The following ATAD2 variants were observed in gnomAD, a reference collection of about 807,000 sequenced individuals.
ATAD2 encodes the protein ATPase family AAA domain containing 2, also known as ATPase family AAA domain-containing protein 2.
A neutral mutation model predicts 168.9 loss-of-function variants in ATAD2; 62 were observed. The ratio of observed to expected loss-of-function variants is 0.37; its 90% CI spans 0.30 to 0.45. The LOEUF (loss-of-function observed/expected upper bound fraction) is 0.45. ATAD2 is among the 20% of genes least tolerant of loss of function. The pLI is 1.00. For synonymous variants in ATAD2, 613 were observed against 571.6 expected (o/e 1.07, Z -1.03); for missense variants, 1,419 against 1,667.8 (o/e 0.85, Z 2.60).
intron 23 of ATAD2, 71 bp from the exon 24 acceptor site, chr8:123,334,092 G>T: frequency 2.6e-6 from 4 of 1,568,178 alleles, no homozygotes; most frequent in Non-Finnish European, 3.5e-6. Context: ...TTAACTAAAA[G>T]TACAAAATAC....
In ATAD2 at chr8:123,325,905, A is replaced by T; in HGVS notation, c.3990T>A (p.His1330Gln). The part of the protein sequence containing the change: ...SQPTPSLVVD[H>Q]ERLKNLLKTV... ...TCAATTTACATACTTTTAATCGCTC[A>T]TGATCCACAACAAGTGAGGGTGTAG... The change falls in exon 26 of 28, where the codon CAT becomes CAA. Residue 1330 changes from histidine to glutamine, a missense_variant. Physicochemically the swap from His to Gln is conservative, Grantham distance 24 (BLOSUM62 0). Transcript: ENST00000287394. 5 of 1,614,126 alleles carry T rather than the reference A, an allele frequency of 3.1e-6. No individual in the cohort carries two copies. Among genetic ancestry groups the T allele is most frequent in the Non-Finnish European group, 4.2e-6 (5 of 1,179,994 alleles).
Position 123,334,248 on chromosome 8 carries a change from C to T in ATAD2, c.3286G>A (p.Asp1096Asn). Reference sequence around the variant, plus strand: ...ATTTCTTCACAGAGCTGCTCAAAGTCTTCATCAAGTTCTTCTTTAATTATG... The same window carrying T: ...ATTTCTTCACAGAGCTGCTCAAAGTTTTCATCAAGTTCTTCTTTAATTATG... Reference protein sequence around the residue: ...YAIIKEELDEDFEQLCEEIQE... With the variant: ...YAIIKEELDENFEQLCEEIQE... The change falls in exon 23 of 28, where the codon GAC becomes AAC. Residue 1096 changes from aspartate (D) to asparagine (N), a missense_variant. Physicochemically the swap from Asp to Asn is conservative, Grantham distance 23. This residue lies in a region of ATAD2 where 545 missense variants were observed against 724.9 expected (regional missense o/e 0.75). Coordinates refer to ENST00000287394, the MANE Select transcript of ATAD2 (RefSeq NM_014109.4). The T allele has an allele frequency of 1.2e-6, 2 of 1,602,424 alleles. No individual in the cohort carries two copies. The highest frequency in any genetic ancestry group is 1.7e-6 in the Non-Finnish European group (2 of 1,177,120).
intron 13 of ATAD2, among the ~76,000 whole-genome samples, chr8:123,353,535 G>A (rs2131347120): frequency 6.6e-6 from 1 of 152,070 alleles, no homozygotes; most frequent in Middle Eastern, 3.4e-3. Flanking sequence ...CCTCAAAATT[G>A]GCTCCTATGT....
chr8:123,376,537 G>A (rs780305949), intron 2 of ATAD2, among the ~76,000 whole-genome samples: 3 of 152,010 alleles, frequency 2.0e-5, no homozygotes, highest in Admixed American at 6.6e-5. Context: ...CTGGTCAACA[G>A]AGCAAGACTC....
intron 13 of ATAD2, among the ~76,000 whole-genome samples, chr8:123,355,346 T>C (rs1828608317): frequency 6.6e-6 from 1 of 152,232 alleles, no homozygotes; most frequent in Non-Finnish European, 1.5e-5. Flanking sequence ...AAATATTTCC[T>C]TTAGGATATT....
intron 1 of ATAD2, among the ~76,000 whole-genome samples, chr8:123,389,186 C>T (rs1431819875): frequency 2.1e-5 from 3 of 142,950 alleles, no homozygotes; most frequent in African/African-American, 5.1e-5. Flanking sequence ...CCGTGTTAGC[C>T]AGGATGGTCT....
chr8:123,411,926 A>G (rs529510981), intron 1 of ATAD2, among the ~76,000 whole-genome samples: 12 of 152,268 alleles, frequency 7.9e-5, no homozygotes, highest in African/African-American at 2.6e-4. Flanking sequence ...TAATACCTGC[A>G]CTGCTCAGAA....
At chr8:123,358,913 A>G (rs1192802366) in intron 11 of ATAD2, among the ~76,000 whole-genome samples, 2 of 150,868 alleles carry the variant, frequency 1.3e-5, no homozygotes, top group East Asian at 4.0e-4. Flanking sequence ...CACGTTGCCC[A>G]GGCTGGTCTC....
intron 14 of ATAD2, 67 bp downstream of exon 14, chr8:123,349,218 T>C: frequency 6.6e-7 from 1 of 1,511,134 alleles, no homozygotes; most frequent in South Asian, 1.2e-5. Flanking sequence ...ATTTTTACTA[T>C]ACCAAGACTT....
At chr8:123,401,405 G>A (rs1812997512), upstream of ATAD2, 1 of 1,380,488 alleles carries the variant, frequency 7.2e-7, no homozygotes, top group Non-Finnish European at 1.0e-6. Context: ...TTGTCCGAAG[G>A]GAACTTGCTG....
At chr8:123,373,780 C>T (rs961466691) in intron 2 of ATAD2, among the ~76,000 whole-genome samples, 57 of 103,724 alleles carry the variant, frequency 5.5e-4, no homozygotes, top group Non-Finnish European at 9.2e-4. Context: ...CAGAGTGACA[C>T]CTCGCCTCAA....
chr8:123,365,108 A>G (rs1271665997), intron 8 of ATAD2, among the ~76,000 whole-genome samples: 1 of 152,224 alleles, frequency 6.6e-6, no homozygotes, highest in African/African-American at 2.4e-5. Context: ...TACACAAATC[A>G]GCAGTAGGTC....
intron 2 of ATAD2, among the ~76,000 whole-genome samples, chr8:123,378,019 G>A (rs1829372363): frequency 6.6e-6 from 1 of 152,148 alleles, no homozygotes; most frequent in South Asian, 2.1e-4. Flanking sequence ...CTCAGAGACA[G>A]TTAATGGACC....
In ATAD2 at chr8:123,339,359, A is replaced by G. The variant is rs201641835; in HGVS notation, c.2806T>C (p.Leu936=). ...KEERTKFFED[L]ILKQAAKPPI... is the part of the protein sequence containing the mutation. ...GGCTTAGCAGCTTGTTTTAGAATTAAATCTTCAAAAAATTTTGTCCGTTCT... is the reference window on the plus strand; with the variant it reads ...GGCTTAGCAGCTTGTTTTAGAATTAGATCTTCAAAAAATTTTGTCCGTTCT... Residue 936 remains leucine (L), a synonymous_variant, in exon 20 of 28, where the codon TTA becomes CTA. Coordinates refer to ENST00000287394, the MANE Select transcript of ATAD2 (RefSeq NM_014109.4). 1.6e-5 allele frequency: 25 copies of G among 1,600,988 alleles called. No homozygotes were observed. In the African/African-American group the frequency reaches 2.9e-4, roughly 19 times the overall value.
intron 11 of ATAD2, among the ~76,000 whole-genome samples, chr8:123,358,667 C>G (rs747511619): frequency 4.4e-5 from 6 of 137,134 alleles, no homozygotes; most frequent in Non-Finnish European, 9.4e-5. Context: ...TTTTAAATTA[C>G]AAAATTTAAT....
chr8:123,394,837 T>C (rs1472254995), intron 1 of ATAD2, among the ~76,000 whole-genome samples: 1 of 152,336 alleles, frequency 6.6e-6, no homozygotes, highest in South Asian at 2.1e-4. Flanking sequence ...TCCTGGCAGA[T>C]GACTGAGAAA....
intron 8 of ATAD2, among the ~76,000 whole-genome samples, chr8:123,362,719 A>T (rs777659072): frequency 6.6e-5 from 10 of 152,112 alleles, no homozygotes; most frequent in Non-Finnish European, 1.3e-4. Flanking sequence ...CCGGCCAAAA[A>T]TATCAAACAA....
At chr8:123,372,857 T>G (rs889775754) in intron 2 of ATAD2, among the ~76,000 whole-genome samples, 171 bp from the exon 3 acceptor site, 1 of 149,904 alleles carries the variant, frequency 6.7e-6, no homozygotes, top group Non-Finnish European at 1.5e-5. Context: ...GCCTCCCCAG[T>G]AGGTAGAACT....
chr8:123,396,871 C>T (rs1812872856), upstream of ATAD2, among the ~76,000 whole-genome samples: 1 of 152,004 alleles, frequency 6.6e-6, no homozygotes, highest in East Asian at 1.9e-4. Flanking sequence ...AATGCCCAGT[C>T]CTTGACTGGA....
Sources: gnomAD v4.1 joint callset for allele counts (sites outside exome capture counted in the v4.1 genomes callset) on GRCh38, gnomAD v4.1.1 for gene constraint, gnomAD v4.1.1 regional missense constraint, MANE v1.5 for transcripts, NCBI Gene and HGNC (gene_info 2026-07-23, HGNC 2026-07-21) for gene names.